ROS1: variants seen among roughly 807,000 people sequenced by gnomAD.
ROS1 encodes proto-oncogene tyrosine-protein kinase ROS.
In ROS1, 263 loss-of-function variants were observed where a neutral mutation model predicts 273.5. The ratio of observed to expected loss-of-function variants is 0.96; its 90% CI spans 0.87 to 1.06. ROS1 has a LOEUF of 1.06. Among genes scored for constraint, ROS1 ranks in the 50% least tolerant of loss-of-function variants. ROS1 has a pLI of 0.00. For missense variants in ROS1, 2,833 were observed against 2,751.1 expected (o/e 1.03, Z -0.67); for synonymous variants, 1,008 against 954.1 (o/e 1.06, Z -1.04).
chr6:117,309,248 A>G (rs1259271784), intron 41 of ROS1, among the ~76,000 whole-genome samples: 3 of 152,172 alleles, frequency 2.0e-5, no homozygotes, highest in African/African-American at 7.2e-5. Flanking sequence ...ACAGAAACAG[A>G]CACACATGCA....
chr6:117,359,825 T>C lies in ROS1; in HGVS notation c.3617A>G (p.Asn1206Ser), dbSNP rs746889818. 6.2e-7 allele frequency: 1 copy of C among 1,613,770 alleles called. No individual in the cohort carries two copies. Among genetic ancestry groups the C allele is most frequent in the Non-Finnish European group, 8.5e-7 (1 of 1,179,708 alleles). The change falls in exon 24 of 44, where the codon AAT becomes AGT. Residue 1206 changes from asparagine (N) to serine (S), a missense_variant. Asn to Ser is a conservative substitution (Grantham distance 46). Transcript: ENST00000368507. ...GTGAAATACCTCAGAGCTAGAGCGA[T>C]TGTGCAAGTGCAGAAGAAAGAGTGA... ...GDSLFLLHLH[N>S]RSSSELFQDS... is the part of the protein sequence containing the mutation.
intron 27 of ROS1, among the ~76,000 whole-genome samples, chr6:117,344,630 G>A (rs1298047437): frequency 6.6e-6 from 1 of 152,162 alleles, no homozygotes. Context: ...TTAGTCAGAT[G>A]TGCTTATCAC....
At position 117,301,079 on chromosome 6, in the gene ROS1, T is replaced by C. The variant is rs1278629013; in HGVS notation, c.6610A>G (p.Arg2204Gly). The C allele has an allele frequency of 1.0e-5, 16 of 1,604,702 alleles. No homozygotes were observed. The East Asian group carries it at 3.4e-4, about 34-fold the overall frequency. ...AATAACTGAAGTTGGTCCTGAATTC[T>C]ATGAAAAGTAGGTCTTTGGTCGGGT... is the stretch of plus-strand genomic sequence containing the variant. ...QEPDQRPTFHRIQDQLQLFRN... is the reference protein window; with the variant it reads ...QEPDQRPTFHGIQDQLQLFRN... The change falls in exon 43 of 44, where the codon AGA becomes GGA. Residue 2204 changes from arginine to glycine, a missense_variant. Physicochemically the swap from Arg to Gly is moderately radical, Grantham distance 125. Coordinates refer to ENST00000368507, the MANE Select transcript of ROS1 (RefSeq NM_001378902.1).
At chr6:117,353,497 T>G (rs988585087) in intron 26 of ROS1, among the ~76,000 whole-genome samples, 4 of 152,186 alleles carry the variant, frequency 2.6e-5, no homozygotes, top group Admixed American at 2.6e-4. Flanking sequence ...TGACTCAAAA[T>G]CAAATAATGC....
At chr6:117,368,069 A>G (rs906179800) in intron 18 of ROS1, among the ~76,000 whole-genome samples, 8 of 152,176 alleles carry the variant, frequency 5.3e-5, no homozygotes, top group Non-Finnish European at 1.5e-5. Context: ...CAGTTTCTAT[A>G]GTTTGATCAA....
rs772470716 is a variant in ROS1, at chr6:117,403,136, T to C, written c.604+3A>G. The C allele has an allele frequency of 1.2e-6, 2 of 1,613,634 alleles. No individual in the cohort carries two copies. Among genetic ancestry groups the C allele is most frequent in the Non-Finnish European group, 1.7e-6 (2 of 1,179,694 alleles). ...TTTCATAAGAAATGTGTGCACACCA[T>C]ACCTCCATGAGGATGAGTCCTGTAA... On this transcript the variant is annotated splice_donor_region_variant and intron_variant, in intron 7 of 43. Transcript: ENST00000368507.
intron 12 of ROS1, among the ~76,000 whole-genome samples, chr6:117,391,063 A>C (rs938649340): frequency 6.6e-6 from 1 of 152,168 alleles, no homozygotes; most frequent in Non-Finnish European, 1.5e-5. Context: ...AAAACTGTCA[A>C]ATCATTTTCC....
chr6:117,406,882 C>A (rs1007591262), intron 5 of ROS1, among the ~76,000 whole-genome samples: 1 of 152,136 alleles, frequency 6.6e-6, no homozygotes, highest in Admixed American at 6.5e-5. Flanking sequence ...CTGCACAACT[C>A]CTCCAATCTT....
At chr6:117,380,342 C>T (rs757227751) in intron 17 of ROS1, among the ~76,000 whole-genome samples, 5 of 152,038 alleles carry the variant, frequency 3.3e-5, no homozygotes, top group African/African-American at 1.2e-4. Context: ...AGGTACATGA[C>T]GACAAAAACC....
chr6:117,398,448 G>A (rs1037267027), intron 7 of ROS1, among the ~76,000 whole-genome samples: 6 of 152,120 alleles, frequency 3.9e-5, no homozygotes, highest in East Asian at 1.9e-4. Flanking sequence ...AAGGCCAAAC[G>A]TGGACCAATC....
intron 36 of ROS1, 77 bp downstream of exon 36, chr6:117,321,182 C>A (rs78803524): frequency 1.4e-6 from 2 of 1,479,204 alleles, no homozygotes; most frequent in African/African-American, 1.4e-5. Context: ...TTGGGCAATG[C>A]GGAATTCATA....
At position 117,353,077 on chromosome 6, in the gene ROS1, T is replaced by G. The variant is rs1217876302; in HGVS notation, c.4216A>C (p.Lys1406Gln). 1.2e-6 allele frequency: 2 copies of G among 1,614,056 alleles called. No individual in the cohort carries two copies. The highest frequency in any genetic ancestry group is 4.5e-5 in the East Asian group (2 of 44,890). ...KDSTQIYQAK[K>Q]GNGAIVSQVK... ...TGGGAAACGATGGCCCCATTTCCTT[T>G]CTTTGCCTGATAAATCTGTGTGCTG... is the stretch of plus-strand genomic sequence containing the variant. The change falls in exon 27 of 44, where the codon AAA becomes CAA. Residue 1406 changes from lysine (K) to glutamine (Q), a missense_variant. Transcript: ENST00000368507.
chr6:117,301,963 A>G (rs1347164697), intron 42 of ROS1, among the ~76,000 whole-genome samples: 3 of 152,222 alleles, frequency 2.0e-5, no homozygotes, highest in Admixed American at 2.0e-4. Context: ...TCATTCACTC[A>G]GCAAAGATGT....
chr6:117,383,623 A>T, intron 16 of ROS1, 115 bp from the exon 17 acceptor site: 2 of 831,794 alleles, frequency 2.4e-6, no homozygotes, highest in Non-Finnish European at 3.9e-6. Flanking sequence ...ATTCAACCAC[A>T]AATAGTGATT....
chr6:117,351,818 C>G (rs1267893903), intron 27 of ROS1, among the ~76,000 whole-genome samples: 1 of 152,110 alleles, frequency 6.6e-6, no homozygotes, highest in Non-Finnish European at 1.5e-5. Flanking sequence ...GGCCAGAAAC[C>G]AGAAGCCACA....
In ROS1 at chr6:117,299,175, T is replaced by C. The variant is rs137872932; in HGVS notation, c.6715+1799A>G. On this transcript the variant is annotated intron_variant, in intron 43 of 43. Transcript: ENST00000368507. The stretch of plus-strand genomic sequence containing the variant: ...GGTTATGACGCATGGCCAAGGCATG[T>C]GCAGCCCTTTCCAATCTGTCGCTTG... Among the ~76,000 whole-genome samples the C allele has an allele frequency of 5.8e-3, 882 of 152,348 alleles. 8 individuals are homozygous for C. Among genetic ancestry groups the C allele is most frequent in the African/African-American group, 0.02 (841 of 41,586 alleles).
chr6:117,387,042 A>G, intron 14 of ROS1, 43 bp from the exon 15 acceptor site: 1 of 1,100,204 alleles, frequency 9.1e-7, no homozygotes, highest in East Asian at 2.4e-5. Flanking sequence ...CAGGGAAAGC[A>G]AACTCTTTAA....
chr6:117,373,645 C>G (rs1781066578), intron 18 of ROS1, among the ~76,000 whole-genome samples: 1 of 152,230 alleles, frequency 6.6e-6, no homozygotes, highest in Non-Finnish European at 1.5e-5. Flanking sequence ...ACACGTAGCC[C>G]TGGTTCCCAC....
chr6:117,388,513 T>C (rs927461513), intron 13 of ROS1, among the ~76,000 whole-genome samples: 4 of 152,184 alleles, frequency 2.6e-5, no homozygotes, highest in African/African-American at 7.2e-5. Flanking sequence ...GTCTAGGGGA[T>C]CAGGGATTGG....
Sources: allele counts gnomAD v4.1 joint callset (sites outside exome capture counted in the v4.1 genomes callset), GRCh38; gene constraint gnomAD v4.1.1; transcripts MANE v1.5; gene names NCBI Gene and HGNC (gene_info 2026-07-23, HGNC 2026-07-21).